Variants in STK39 observed in about 807,000 individuals in gnomAD.
STK39 encodes serine/threonine kinase 39, also known as STE20/SPS1-related proline-alanine-rich protein kinase.
Under a neutral mutation model 77.8 loss-of-function variants are expected in STK39, and 20 were observed. The ratio of observed to expected loss-of-function variants is 0.26; its 90% CI spans 0.18 to 0.37. The LOEUF (loss-of-function observed/expected upper bound fraction) is 0.37. Ranked by LOEUF, STK39 falls within the 10% of genes least tolerant of loss-of-function variation. The probability of loss-of-function intolerance (pLI) is 1.00; values close to 1 mark genes in which losing one functional copy is unlikely to be tolerated. For missense variants in STK39, 479 were observed against 656.5 expected (o/e 0.73, Z 2.95); for synonymous variants, 246 against 234.1 (o/e 1.05, Z -0.47).
At chr2:168,036,899 C>T (rs1435117076) in intron 14 of STK39, among the ~76,000 whole-genome samples, 7 of 152,100 alleles carry the variant, frequency 4.6e-5, no homozygotes, top group Admixed American at 3.3e-4. Context: ...GAGAGTTACT[C>T]GAAAAAGAAA....
In STK39 at chr2:168,048,664, G is replaced by A. The variant is rs181398502; in HGVS notation, c.1376+14836C>T. Among the ~76,000 whole-genome samples, 27 of 152,212 alleles carry A rather than the reference G, an allele frequency of 1.8e-4. No individual in the cohort carries two copies. In the East Asian group the frequency reaches 3.9e-3, roughly 22 times the overall value. ...TGAAACCTGCTAGAAAACACTAACC[G>A]AACCACTCAAGCCTCCAATAATTGG... On this transcript the variant is annotated intron_variant, in intron 14 of 17. Transcript: ENST00000355999.
chr2:168,061,103 T>C (rs1251400001), intron 14 of STK39, among the ~76,000 whole-genome samples: 1 of 152,186 alleles, frequency 6.6e-6, no homozygotes. Context: ...AGTTCAGAAT[T>C]AGGCTTGGTA....
At chr2:168,107,587 A>C (rs185812133) in intron 10 of STK39, among the ~76,000 whole-genome samples, 1 of 152,218 alleles carries the variant, frequency 6.6e-6, no homozygotes, top group Non-Finnish European at 1.5e-5. Flanking sequence ...TCATTATTTG[A>C]CGTTAAAAAT....
intron 1 of STK39, among the ~76,000 whole-genome samples, chr2:168,194,410 A>C (rs576747092): frequency 6.6e-6 from 1 of 152,230 alleles, no homozygotes; most frequent in South Asian, 2.1e-4. Flanking sequence ...ACAGAGCGAG[A>C]CTCTGTCTCA....
chr2:168,095,648 A>C (rs1464787926), intron 10 of STK39, among the ~76,000 whole-genome samples: 1 of 103,446 alleles, frequency 9.7e-6, no homozygotes, highest in African/African-American at 4.5e-5. Flanking sequence ...TTTTTTTAAG[A>C]CGGAGTCTTG....
At chr2:168,190,005 T>C (rs1689300830) in intron 1 of STK39, among the ~76,000 whole-genome samples, 1 of 152,200 alleles carries the variant, frequency 6.6e-6, no homozygotes, top group Non-Finnish European at 1.5e-5. Flanking sequence ...ACTTGAGATG[T>C]TGCCTTCTTG....
chr2:168,139,192 T>G (rs1030849235), intron 7 of STK39, among the ~76,000 whole-genome samples: 10 of 152,058 alleles, frequency 6.6e-5, no homozygotes, highest in African/African-American at 2.4e-4. Context: ...CGACTTTGAA[T>G]TCAGGTGGGA....
intron 12 of STK39, among the ~76,000 whole-genome samples, chr2:168,069,720 G>A (rs1464287880): frequency 3.3e-5 from 5 of 152,188 alleles, no homozygotes; most frequent in Non-Finnish European, 1.5e-5. Flanking sequence ...AGAATCCTGA[G>A]AGCAGCTTTT....
intron 14 of STK39, among the ~76,000 whole-genome samples, chr2:168,059,812 T>A (rs1336991908): frequency 6.6e-6 from 1 of 152,140 alleles, no homozygotes; most frequent in Non-Finnish European, 1.5e-5. Flanking sequence ...TCACTTTCTA[T>A]CCTCCTCACA....
At chr2:168,051,043 T>C (rs1394383989) in intron 14 of STK39, among the ~76,000 whole-genome samples, 1 of 152,198 alleles carries the variant, frequency 6.6e-6, no homozygotes, top group African/African-American at 2.4e-5. Flanking sequence ...TTGTTACCTT[T>C]CCAAGACTCA....
At chr2:168,021,527 T>C (rs1574399325) in intron 14 of STK39, among the ~76,000 whole-genome samples, 1 of 152,170 alleles carries the variant, frequency 6.6e-6, no homozygotes, top group Non-Finnish European at 1.5e-5. Context: ...TTTACTTTAA[T>C]TGATATGGCA....
At chr2:168,217,022 G>A (rs1006441813) in intron 1 of STK39, among the ~76,000 whole-genome samples, 110 of 152,316 alleles carry the variant, frequency 7.2e-4, no homozygotes, top group African/African-American at 2.5e-3. Context: ...GCTCTGTTGG[G>A]AAAAGAAGAC....
At chr2:168,041,442 A>T (rs1311710527) in intron 14 of STK39, among the ~76,000 whole-genome samples, 1 of 147,578 alleles carries the variant, frequency 6.8e-6, no homozygotes. Flanking sequence ...TGTCCACTGT[A>T]TATTTGGGGA....
At chr2:168,218,124 T>C (rs1160956438) in intron 1 of STK39, among the ~76,000 whole-genome samples, 1 of 152,118 alleles carries the variant, frequency 6.6e-6, no homozygotes, top group Non-Finnish European at 1.5e-5. Context: ...CTAAAGGGAA[T>C]TGTAATGGAG....
At chr2:167,996,695 A>G (rs1574377391) in intron 16 of STK39, among the ~76,000 whole-genome samples, 1 of 152,204 alleles carries the variant, frequency 6.6e-6, no homozygotes, top group African/African-American at 2.4e-5. Flanking sequence ...CTGCTCTTCC[A>G]TGGGAAAGAA....
At chr2:168,222,019 C>A (rs1451169755) in intron 1 of STK39, among the ~76,000 whole-genome samples, 1 of 152,174 alleles carries the variant, frequency 6.6e-6, no homozygotes, top group East Asian at 1.9e-4. Context: ...CCACATGGCA[C>A]CTTGAACTAC....
intron 12 of STK39, among the ~76,000 whole-genome samples, chr2:168,073,321 G>A (rs1413558684): frequency 6.6e-6 from 1 of 152,146 alleles, no homozygotes; most frequent in Non-Finnish European, 1.5e-5. Flanking sequence ...AATGGATATC[G>A]TCCAATGAAG....
chr2:168,214,197 T>C (rs1287045558), intron 1 of STK39, among the ~76,000 whole-genome samples: 1 of 151,276 alleles, frequency 6.6e-6, no homozygotes, highest in Non-Finnish European at 1.5e-5. Context: ...TGACGGTGCC[T>C]GCCTAGTGGG....
At position 167,954,030 on chromosome 2, in the gene STK39, C is replaced by CAAT. The variant is rs1691704263; in HGVS notation, c.*1463_*1465dup. ...AACAATGCAAAACAATCTCATTGTG[C>CAAT]AATACACTTTTATTTTCCTTTTACC... is the stretch of plus-strand genomic sequence containing the variant. On this transcript the variant is annotated 3_prime_UTR_variant, in exon 18 of 18. Coordinates refer to ENST00000355999, the MANE Select transcript of STK39 (RefSeq NM_013233.3). 1 of 152,628 alleles carries CAAT rather than the reference C, an allele frequency of 6.6e-6. No homozygotes were observed. The highest frequency in any genetic ancestry group is 1.5e-5 in the Non-Finnish European group (1 of 68,030). The allele number at this position is 152,628 out of a possible 1,614,324, so 9.5% of individuals were successfully genotyped here.
Sources: gnomAD v4.1 joint callset for allele counts (sites outside exome capture counted in the v4.1 genomes callset) on GRCh38, gnomAD v4.1.1 for gene constraint, MANE v1.5 for transcripts, NCBI Gene and HGNC (gene_info 2026-07-23, HGNC 2026-07-21) for gene names.